TMPRSS11F: variants seen among roughly 807,000 people sequenced by gnomAD.
The protein encoded by TMPRSS11F is transmembrane protease serine 11F.
A neutral mutation model predicts 60.2 loss-of-function variants in TMPRSS11F; 47 were observed. The ratio of observed to expected loss-of-function variants is 0.78; its 90% CI spans 0.62 to 1.00. TMPRSS11F has a LOEUF of 1.00. Ranked by LOEUF, TMPRSS11F falls within the 50% of genes least tolerant of loss-of-function variation. The probability of loss-of-function intolerance (pLI) is 0.00; values close to 1 mark genes in which losing one functional copy is unlikely to be tolerated. For synonymous variants in TMPRSS11F, 166 were observed against 167.3 expected, an observed-to-expected ratio of 0.99 and a Z score of 0.06; for missense variants, 519 against 522.9, an observed-to-expected ratio of 0.99 and a Z score of 0.07.
At chr4:68,101,680 T>C (rs546428113) in intron 1 of TMPRSS11F, among the ~76,000 whole-genome samples, 1 of 152,314 alleles carries the variant, frequency 6.6e-6, no homozygotes, top group Admixed American at 6.5e-5. Flanking sequence ...AAATGGAACC[T>C]TTCAACAGCA....
rs534168014 is a variant in TMPRSS11F at position 68,098,260 on chromosome 4, G to A, written c.163+627C>T. 9.2e-5 allele frequency among the ~76,000 whole-genome samples: 14 copies of A among 152,142 alleles called. 1 individual carries two copies. The South Asian group carries it at 2.3e-3, about 25-fold the overall frequency. On this transcript the variant is annotated intron_variant, in intron 2 of 9. Transcript: ENST00000356291. ...GTGGAGGTTGCAATGAGCCGGGATC[G>A]TGCGACTGCACTCCAGCCTGGGTGA...
intron 3 of TMPRSS11F, among the ~76,000 whole-genome samples, chr4:68,085,798 T>G (rs573924476): frequency 8.5e-5 from 13 of 152,210 alleles, no homozygotes; most frequent in Non-Finnish European, 1.6e-4. Context: ...CATTACATAA[T>G]GATAAAAGGA....
At chr4:68,119,544 C>A (rs1724583521) in intron 1 of TMPRSS11F, among the ~76,000 whole-genome samples, 1 of 152,150 alleles carries the variant, frequency 6.6e-6, no homozygotes, top group Non-Finnish European at 1.5e-5. Context: ...TCCAAAAATT[C>A]TAGGGCCCTT....
chr4:68,129,862 T>C lies in TMPRSS11F; in HGVS notation c.-42A>G. 6.2e-7 allele frequency: 1 copy of C among 1,609,672 alleles called. No individual in the cohort carries two copies. Among genetic ancestry groups the C allele is most frequent in the Non-Finnish European group, 8.5e-7 (1 of 1,176,296 alleles). ...CAGCTTCTATTCAGTCACCATCTGA[T>C]CTGTATCAGCAGGTTAGGACTTGGA... On this transcript the variant is annotated 5_prime_UTR_variant, in exon 1 of 10. Transcript: ENST00000356291.
chr4:68,089,479 A>T (rs1723881774), intron 3 of TMPRSS11F, among the ~76,000 whole-genome samples: 2 of 152,190 alleles, frequency 1.3e-5, no homozygotes, highest in Admixed American at 6.6e-5. Context: ...GAAATGTCTG[A>T]TAATACAGTA....
At chr4:68,062,160 T>A in intron 8 of TMPRSS11F, 1 of 418,340 alleles carries the variant, frequency 2.4e-6, no homozygotes, top group South Asian at 1.8e-5. Context: ...AAATAATATG[T>A]AGAGTGATAT....
chr4:68,117,090 A>C (rs1203280184), intron 1 of TMPRSS11F, among the ~76,000 whole-genome samples: 1 of 152,164 alleles, frequency 6.6e-6, no homozygotes, highest in African/African-American at 2.4e-5. Context: ...TTTGCAAGCC[A>C]TGTATTTGAT....
chr4:68,102,505 A>G (rs79304065), intron 1 of TMPRSS11F, among the ~76,000 whole-genome samples: 5,443 of 152,256 alleles, frequency 0.036, 276 homozygotes, highest in African/African-American at 0.11. Flanking sequence ...TTTTGGTAAT[A>G]GCCATCCTAA....
intron 3 of TMPRSS11F, among the ~76,000 whole-genome samples, chr4:68,079,447 C>CT (rs1723650290): frequency 6.6e-6 from 1 of 152,098 alleles, no homozygotes; most frequent in South Asian, 2.1e-4. Context: ...TCAAAGGCAT[C>CT]TTTTATTTCC....
At chr4:68,083,846 A>C (rs1202077165) in intron 3 of TMPRSS11F, among the ~76,000 whole-genome samples, 2 of 152,166 alleles carry the variant, frequency 1.3e-5, no homozygotes, top group African/African-American at 2.4e-5. Context: ...AAAAGACTGA[A>C]ACTACAGATA....
intron 6 of TMPRSS11F, among the ~76,000 whole-genome samples, chr4:68,069,307 T>A (rs530393724): frequency 4.1e-4 from 63 of 152,294 alleles, no homozygotes; most frequent in Middle Eastern, 6.8e-3. Context: ...TTCCCTTAAC[T>A]AATGACTAAA....
chr4:68,060,883 ATT>A lies in TMPRSS11F; in HGVS notation c.1016-1417_1016-1416del, dbSNP rs562947415. Reference sequence around the variant, plus strand: ...ATCCAAGCTGAAGTAACATCTATGCATTGTTTTGTTATTATGGTAATAACAAG... The same window carrying A: ...ATCCAAGCTGAAGTAACATCTATGCAGTTTTGTTATTATGGTAATAACAAG... On this transcript the variant is annotated intron_variant, in intron 8 of 9. Transcript: ENST00000356291. Among the ~76,000 whole-genome samples the A allele has an allele frequency of 4.9e-3, 743 of 152,000 alleles. 5 individuals carry two copies. The highest frequency in any genetic ancestry group is 0.017 in the African/African-American group (696 of 41,500).
chr4:68,082,352 C>A (rs371693625), intron 3 of TMPRSS11F, among the ~76,000 whole-genome samples: 1 of 152,160 alleles, frequency 6.6e-6, no homozygotes, highest in Non-Finnish European at 1.5e-5. Flanking sequence ...GGGTTTTGCA[C>A]GTGAGGCAGC....
chr4:68,081,993 G>A (rs1379431974), intron 3 of TMPRSS11F, among the ~76,000 whole-genome samples: 1 of 152,100 alleles, frequency 6.6e-6, no homozygotes, highest in African/African-American at 2.4e-5. Flanking sequence ...AGCCAGAAAG[G>A]AACTTTCCCA....
chr4:68,101,323 G>A (rs963742846), intron 1 of TMPRSS11F, among the ~76,000 whole-genome samples: 1 of 152,118 alleles, frequency 6.6e-6, no homozygotes, highest in Non-Finnish European at 1.5e-5. Context: ...CACCAGCCAA[G>A]TGCAAAGGAA....
At chr4:68,082,677 C>G (rs1001068761) in intron 3 of TMPRSS11F, among the ~76,000 whole-genome samples, 8 of 152,370 alleles carry the variant, frequency 5.3e-5, no homozygotes, top group Non-Finnish European at 1.2e-4. Context: ...GCTGCAGGCT[C>G]AATCTCAACC....
At chr4:68,097,625 G>A (rs1245006636) in intron 2 of TMPRSS11F, among the ~76,000 whole-genome samples, 1 of 152,008 alleles carries the variant, frequency 6.6e-6, no homozygotes, top group Non-Finnish European at 1.5e-5. Context: ...CATGGGAATG[G>A]GGCATTATTC....
intron 1 of TMPRSS11F, among the ~76,000 whole-genome samples, chr4:68,110,690 A>G (rs1411791614): frequency 6.6e-6 from 1 of 152,266 alleles, no homozygotes; most frequent in East Asian, 1.9e-4. Flanking sequence ...ATAAAATGAG[A>G]TAATATATTT....
At chr4:68,108,458 G>T (rs553251987) in intron 1 of TMPRSS11F, among the ~76,000 whole-genome samples, 1 of 152,244 alleles carries the variant, frequency 6.6e-6, no homozygotes, top group East Asian at 1.9e-4. Context: ...AGACACATTT[G>T]CAAGAATTAA....
Sources: gnomAD v4.1 joint callset for allele counts (sites outside exome capture counted in the v4.1 genomes callset) on GRCh38, gnomAD v4.1.1 for gene constraint, MANE v1.5 for transcripts, NCBI Gene and HGNC (gene_info 2026-07-23, HGNC 2026-07-21) for gene names.